Variants in MDN1 observed in about 807,000 individuals in gnomAD.
The protein encoded by MDN1 is midasin AAA ATPase 1.
A neutral mutation model predicts 669.2 loss-of-function variants in MDN1; 266 were observed. That is an observed-to-expected ratio of 0.40 (90% CI 0.36 to 0.44). The LOEUF is 0.44. MDN1 is among the 20% of genes least tolerant of loss of function. The pLI is 1.00. For missense variants in MDN1, 5,940 were observed against 6,754.0 expected, an observed-to-expected ratio of 0.88 and a Z score of 4.22; for synonymous variants, 2,385 against 2,457.1, an observed-to-expected ratio of 0.97 and a Z score of 0.87.
At position 89,790,204 on chromosome 6, in the gene MDN1, A is replaced by T; in HGVS notation, c.1053T>A (p.Pro351=). The change falls in exon 6 of 102, where the codon CCT becomes CCA. Residue 351 remains proline (P), a synonymous_variant. Transcript: ENST00000369393. ...CAAGCTGGACTTTGAGAAGCTGAGG[A>T]GGCTTTGTTCTACCTGTCACTGCAG... ...YLAAVTGRTK[P]PQLLKVQLGD... 6.2e-7 allele frequency: 1 copy of T among 1,614,190 alleles called. No homozygotes were observed. Among genetic ancestry groups the T allele is most frequent in the Non-Finnish European group, 8.5e-7 (1 of 1,180,028 alleles).
In MDN1 at chr6:89,671,087, CCAAAA is replaced by C. The variant is rs1810720109; in HGVS notation, c.13795-12_13795-8del. On this transcript the variant is annotated splice_polypyrimidine_tract_variant and splice_region_variant and intron_variant, in intron 82 of 101. Transcript: ENST00000369393. ...AACAGGATTGGCTGAAGAACTGAGA[CCAAAA>C]CAAAACAAAAGGCCTGCTCACACTG... 1 of 1,612,770 alleles carries C rather than the reference CCAAAA, an allele frequency of 6.2e-7. No individual in the cohort carries two copies. The highest frequency in any genetic ancestry group is 8.5e-7 in the Non-Finnish European group (1 of 1,179,484).
In MDN1 at chr6:89,650,095, T is replaced by G; in HGVS notation, c.16135A>C (p.Ser5379Arg). 1 of 1,614,216 alleles carries G rather than the reference T, an allele frequency of 6.2e-7. No homozygotes were observed. The highest frequency in any genetic ancestry group is 8.5e-7 in the Non-Finnish European group (1 of 1,180,040). ...DKIWLRRTKP[S>R]KRQYQICLAI... ...AAACAAATCTGATACTGGCGTTTAC[T>G]GGGCTTGGTCCTTCGAAGCCAAATC... Residue 5379 changes from serine (S) to arginine (R), a missense_variant, in exon 97 of 102, where the codon AGT becomes CGT. Transcript: ENST00000369393.
At chr6:89,698,675 A>T (rs1195677337) in intron 59 of MDN1, among the ~76,000 whole-genome samples, 190 bp downstream of exon 59, 3 of 152,208 alleles carry the variant, frequency 2.0e-5, no homozygotes, top group Non-Finnish European at 2.9e-5. Context: ...CTTATCTCAA[A>T]ATTTCACAAA....
chr6:89,661,328 AT>A, intron 88 of MDN1, 102 bp downstream of exon 88: 1 of 1,346,702 alleles, frequency 7.4e-7, no homozygotes, highest in Non-Finnish European at 1.0e-6. Context: ...ACCAAACGTG[AT>A]TTATCACCTG....
chr6:89,756,459 G>A, intron 19 of MDN1, 69 bp from the exon 20 acceptor site: 1 of 704,574 alleles, frequency 1.4e-6, no homozygotes. Flanking sequence ...AGAAAAACAT[G>A]AAACAGAAGA....
Position 89,735,741 on chromosome 6 carries a change from G to A in MDN1, c.4723+2585C>T, listed in dbSNP as rs1053672502. ...ACTATTAGTTAAAATATTAAATTCG[G>A]CCAGGCATGGTGGCTCACACCTATA... On this transcript the variant is annotated intron_variant, in intron 33 of 101. Transcript: ENST00000369393. Among the ~76,000 whole-genome samples, 11 of 152,104 alleles carry A rather than the reference G, an allele frequency of 7.2e-5. 2 individuals are homozygous for A. The highest frequency in any genetic ancestry group is 7.2e-4 in the Admixed American group (11 of 15,266).
At chr6:89,675,776 C>G (rs1251969008) in intron 77 of MDN1, 197 bp from the exon 78 acceptor site, 1 of 574,460 alleles carries the variant, frequency 1.7e-6, no homozygotes, top group African/African-American at 1.9e-5. Context: ...CTGGATTTAA[C>G]TCCAAAATGC....
chr6:89,655,746 G>C lies in MDN1; in HGVS notation c.15490+18C>G, dbSNP rs375511370. 6.8e-5 allele frequency: 107 copies of C among 1,578,556 alleles called. No individual in the cohort carries two copies. The highest frequency in any genetic ancestry group is 9.0e-5 in the Non-Finnish European group (105 of 1,161,046). ...GAGAGCTCAGTGGGCAAAGGCAGCA[G>C]CTTTCCCAGGACCGTACCATAGGTC... On this transcript the variant is annotated intron_variant, in intron 92 of 101. Coordinates refer to ENST00000369393, the MANE Select transcript of MDN1 (RefSeq NM_014611.3).
chr6:89,819,286 T>C (rs1248686467), intron 1 of MDN1, among the ~76,000 whole-genome samples: 1 of 152,132 alleles, frequency 6.6e-6, no homozygotes, highest in Non-Finnish European at 1.5e-5. Context: ...GGAAGGGTAC[T>C]GGAAGGCTCC....
At chr6:89,743,104 C>A in intron 31 of MDN1, 46 bp downstream of exon 31, 1 of 1,596,792 alleles carries the variant, frequency 6.3e-7, no homozygotes, top group Non-Finnish European at 8.5e-7. Context: ...AAAAAAATCA[C>A]ACCAACAAAA....
intron 34 of MDN1, among the ~76,000 whole-genome samples, chr6:89,731,872 G>A (rs1011520297): frequency 7.7e-6 from 1 of 130,108 alleles, no homozygotes; most frequent in South Asian, 2.4e-4. Flanking sequence ...AATACCAGGC[G>A]TTATCAATAC....
At position 89,701,659 on chromosome 6, in the gene MDN1, T is replaced by G. The variant is rs372890217; in HGVS notation, c.8326A>C (p.Thr2776Pro). 15 of 1,613,734 alleles carry G rather than the reference T, an allele frequency of 9.3e-6. No individual in the cohort carries two copies. The highest frequency in any genetic ancestry group is 1.3e-5 in the Non-Finnish European group (15 of 1,179,936). The change falls in exon 55 of 102, where the codon ACT (threonine) becomes CCT (proline). Residue 2776 changes from threonine (T) to proline (P), a missense_variant. By Grantham distance (38) the Thr-to-Pro change is conservative. Coordinates refer to ENST00000369393, the MANE Select transcript of MDN1 (RefSeq NM_014611.3). ...YEDKYYKEVQ[T>P]VSEHIQNCLG... ...CAATTCTGAATATGTTCTGAGACAG[T>G]CTGAACTTCTTTGTAATATCTTTAA...
intron 49 of MDN1, 110 bp downstream of exon 49, chr6:89,711,926 C>T (rs1256854208): frequency 2.1e-5 from 21 of 1,012,510 alleles, no homozygotes; most frequent in Non-Finnish European, 2.9e-5. Context: ...GGAGACCTCC[C>T]AACTGTAATT....
At chr6:89,699,212 G>A (rs1467891063) in intron 58 of MDN1, among the ~76,000 whole-genome samples, 177 bp from the exon 59 acceptor site, 1 of 152,150 alleles carries the variant, frequency 6.6e-6, no homozygotes, top group Non-Finnish European at 1.5e-5. Context: ...CATGTTTACA[G>A]TTTTATTTAA....
chr6:89,647,791 CA>C (rs1048258506), intron 99 of MDN1, among the ~76,000 whole-genome samples: 10 of 152,068 alleles, frequency 6.6e-5, no homozygotes, highest in African/African-American at 2.4e-4. Context: ...CCTGTCCCTA[CA>C]AAAAATAAAA....
chr6:89,692,216 T>C (rs1812418369), intron 63 of MDN1, among the ~76,000 whole-genome samples: 1 of 151,994 alleles, frequency 6.6e-6, no homozygotes, highest in Admixed American at 6.5e-5. Context: ...ACATGTAGTG[T>C]ATAATAAAGG....
chr6:89,797,459 C>CT lies in MDN1; in HGVS notation c.330-2659_330-2658insA. The CT allele has an allele frequency of 3.7e-5, 7 of 187,010 alleles. No individual in the cohort carries two copies. The South Asian group carries it at 6.2e-4, about 17-fold the overall frequency. 11.6% of individuals were successfully genotyped at this position (187,010 alleles called of 1,614,324 possible). A position where few individuals can be genotyped will look rare whatever the true frequency, so the allele number is the denominator to read the frequency against. Reference sequence around the variant, plus strand: ...CTGTAGCGGGTTCTGTTCTTGTGGTCGGCGGCTGTGTTGCTCTCTGATAAA... The same window carrying CT: ...CTGTAGCGGGTTCTGTTCTTGTGGTCTGGCGGCTGTGTTGCTCTCTGATAAA... On this transcript the variant is annotated intron_variant, in intron 2 of 101. Transcript: ENST00000369393.
chr6:89,710,558 T>C (rs931257576), intron 50 of MDN1, 123 bp downstream of exon 50: 98 of 485,808 alleles, frequency 2.0e-4, no homozygotes, highest in African/African-American at 1.8e-3. Context: ...TGCTTCTGCA[T>C]ATCATGAGTC....
At chr6:89,707,618 A>G in intron 51 of MDN1, 142 bp from the exon 52 acceptor site, 1 of 642,614 alleles carries the variant, frequency 1.6e-6, no homozygotes, top group East Asian at 2.7e-5. Context: ...CTTGGACTAA[A>G]GAGATGGAGA....
Sources: allele counts gnomAD v4.1 joint callset (sites outside exome capture counted in the v4.1 genomes callset), GRCh38; gene constraint gnomAD v4.1.1; transcripts MANE v1.5; gene names NCBI Gene and HGNC (gene_info 2026-07-23, HGNC 2026-07-21).